Variants in SNCAIP observed in about 807,000 individuals in gnomAD.
SNCAIP encodes synphilin-1.
SNCAIP carries 43 observed loss-of-function variants against 86.7 expected under a neutral mutation model. That is an observed-to-expected ratio of 0.50 (90% CI 0.39 to 0.64). The LOEUF (loss-of-function observed/expected upper bound fraction) is 0.64, where lower values mean the gene tolerates loss of function less well. Ranked by LOEUF, SNCAIP falls within the 30% of genes least tolerant of loss-of-function variation. The pLI, the probability that SNCAIP is intolerant of heterozygous loss-of-function variation, is 0.00. For synonymous variants in SNCAIP, 417 were observed against 427.2 expected (o/e 0.98, Z 0.29); for missense variants, 981 against 1,103.1 (o/e 0.89, Z 1.57).
chr5:122,340,520 T>C (rs1016772672), intron 1 of SNCAIP, among the ~76,000 whole-genome samples: 13 of 152,230 alleles, frequency 8.5e-5, no homozygotes, highest in African/African-American at 2.9e-4. Flanking sequence ...CTTCAGTACC[T>C]GTTTCATTAA....
At chr5:122,394,102 A>G (rs894244020) in intron 2 of SNCAIP, among the ~76,000 whole-genome samples, 2 of 149,618 alleles carry the variant, frequency 1.3e-5, no homozygotes, top group African/African-American at 5.0e-5. Flanking sequence ...TTTTTTTTTG[A>G]TACCAGAAAC....
At chr5:122,332,439 A>G (rs1240187315) in intron 1 of SNCAIP, among the ~76,000 whole-genome samples, 1 of 152,234 alleles carries the variant, frequency 6.6e-6, no homozygotes, top group East Asian at 1.9e-4. Flanking sequence ...ATATACCTTG[A>G]AGCATACCTG....
chr5:122,416,037 T>C (rs1244064631), intron 3 of SNCAIP, among the ~76,000 whole-genome samples: 1 of 152,128 alleles, frequency 6.6e-6, no homozygotes, highest in Non-Finnish European at 1.5e-5. Context: ...AGCCCAAAGG[T>C]TTAAAGTTGT....
intron 1 of SNCAIP, among the ~76,000 whole-genome samples, chr5:122,325,827 T>C (rs938450907): frequency 1.3e-5 from 2 of 152,108 alleles, no homozygotes; most frequent in African/African-American, 4.8e-5. Context: ...ACCTTGCAAG[T>C]GTTAAAGATG....
At chr5:122,346,187 C>T (rs1168998363) in intron 1 of SNCAIP, among the ~76,000 whole-genome samples, 1 of 152,054 alleles carries the variant, frequency 6.6e-6, no homozygotes, top group African/African-American at 2.4e-5. Context: ...AAAGCATGCC[C>T]TCTAATGATT....
rs557139070 is a variant in SNCAIP, at chr5:122,397,407, A to C, written c.57+6216A>C. 1.3e-3 allele frequency among the ~76,000 whole-genome samples: 191 copies of C among 152,148 alleles called. 1 individual carries two copies. The highest frequency in any genetic ancestry group is 1.9e-3 in the Non-Finnish European group (129 of 68,022). On this transcript the variant is annotated intron_variant, in intron 2 of 10. Coordinates refer to ENST00000261368, the MANE Select transcript of SNCAIP (RefSeq NM_005460.4). The stretch of plus-strand genomic sequence containing the variant: ...GACTACACATTATATTAATTAAATT[A>C]ACATTGCAATAGAGTAGTTCCTGAT...
intron 1 of SNCAIP, among the ~76,000 whole-genome samples, chr5:122,342,036 C>T (rs2152723674): frequency 6.6e-6 from 1 of 152,250 alleles, no homozygotes; most frequent in East Asian, 1.9e-4. Context: ...GTGGAACTAA[C>T]ACTTCTGTGA....
intron 1 of SNCAIP, among the ~76,000 whole-genome samples, chr5:122,316,702 G>C (rs761806161): frequency 5.9e-5 from 9 of 152,174 alleles, no homozygotes; most frequent in Non-Finnish European, 1.2e-4. Context: ...AACGTTAATG[G>C]ATGTTTAATA....
At chr5:122,324,900 C>G (rs1753704595) in intron 1 of SNCAIP, among the ~76,000 whole-genome samples, 1 of 152,142 alleles carries the variant, frequency 6.6e-6, no homozygotes, top group Non-Finnish European at 1.5e-5. Context: ...CCCCCTATCT[C>G]CCAAAACACC....
chr5:122,367,015 G>C (rs1193996880), intron 1 of SNCAIP, among the ~76,000 whole-genome samples: 1 of 152,170 alleles, frequency 6.6e-6, no homozygotes, highest in Non-Finnish European at 1.5e-5. Flanking sequence ...TAATTGACAG[G>C]ATGATTGGAT....
At chr5:122,423,967 T>C (rs1022726725) in intron 4 of SNCAIP, among the ~76,000 whole-genome samples, 1 of 152,224 alleles carries the variant, frequency 6.6e-6, no homozygotes, top group African/African-American at 2.4e-5. Context: ...ATTTTAACTT[T>C]GCATGAATTC....
intron 3 of SNCAIP, among the ~76,000 whole-genome samples, chr5:122,415,242 G>A (rs956595896): frequency 2.0e-5 from 3 of 152,154 alleles, no homozygotes; most frequent in Non-Finnish European, 4.4e-5. Context: ...GAGAGTTCAG[G>A]CCATGGTAGG....
chr5:122,349,236 A>G (rs904833900), intron 1 of SNCAIP, among the ~76,000 whole-genome samples: 1 of 152,188 alleles, frequency 6.6e-6, no homozygotes, highest in African/African-American at 2.4e-5. Flanking sequence ...CTGGTTACAC[A>G]TTAAAATTGC....
At chr5:122,410,508 TA>T (rs1276539398) in intron 3 of SNCAIP, among the ~76,000 whole-genome samples, 1 of 152,080 alleles carries the variant, frequency 6.6e-6, no homozygotes, top group Non-Finnish European at 1.5e-5. Context: ...AAAGTTAAAA[TA>T]AAATTCTGGT....
intron 1 of SNCAIP, among the ~76,000 whole-genome samples, chr5:122,328,282 T>C (rs1238041971): frequency 6.6e-6 from 1 of 152,238 alleles, no homozygotes; most frequent in Non-Finnish European, 1.5e-5. Context: ...GTATTTCTAG[T>C]CCTGGGCTAG....
chr5:122,440,526 G>T, intron 6 of SNCAIP, 103 bp from the exon 7 acceptor site: 1 of 1,134,682 alleles, frequency 8.8e-7, no homozygotes. Context: ...GGTAAGCATG[G>T]TTTTACCTAA....
In SNCAIP at chr5:122,450,997, T is replaced by G; in HGVS notation, c.2150T>G (p.Leu717Arg). 1 of 1,614,174 alleles carries G rather than the reference T, an allele frequency of 6.2e-7. No homozygotes were observed. The highest frequency in any genetic ancestry group is 8.5e-7 in the Non-Finnish European group (1 of 1,180,016). The change falls in exon 10 of 11, where the codon CTG (leucine) becomes CGG (arginine). Residue 717 changes from leucine to arginine, a missense_variant. Transcript: ENST00000261368. ...GAGAGTATGGACAGCGCAGAAAGCC[T>G]GCACCTGATGATTAAGAAACACACC... ...SVESMDSAES[L>R]HLMIKKHTLA...
intron 1 of SNCAIP, among the ~76,000 whole-genome samples, chr5:122,344,416 A>G (rs549980403): frequency 6.6e-5 from 10 of 152,232 alleles, no homozygotes; most frequent in Non-Finnish European, 1.5e-4. Flanking sequence ...TAATTAATCA[A>G]TCCATAATTG....
chr5:122,378,000 A>C lies in SNCAIP; in HGVS notation c.-46-13089A>C, dbSNP rs1249600855. Among the ~76,000 whole-genome samples the C allele has an allele frequency of 2.0e-5, 3 of 151,178 alleles. No homozygotes were observed. In the East Asian group the frequency reaches 5.9e-4, roughly 30 times the overall value. On this transcript the variant is annotated intron_variant, in intron 1 of 10. Coordinates refer to ENST00000261368, the MANE Select transcript of SNCAIP (RefSeq NM_005460.4). Reference sequence around the variant, plus strand: ...TTGTGAATAATGCCACAATAAACATACGTGTGCATGTGTCTTTATAGCAGC... The same window carrying C: ...TTGTGAATAATGCCACAATAAACATCCGTGTGCATGTGTCTTTATAGCAGC...
Sources: allele counts gnomAD v4.1 joint callset (sites outside exome capture counted in the v4.1 genomes callset), GRCh38; gene constraint gnomAD v4.1.1; transcripts MANE v1.5; gene names NCBI Gene and HGNC (gene_info 2026-07-23, HGNC 2026-07-21).